The following C12orf50 variants were observed in gnomAD, a reference collection of about 807,000 sequenced individuals.
C12orf50 encodes the protein uncharacterized protein C12orf50.
Under a neutral mutation model 61.6 loss-of-function variants are expected in C12orf50, and 35 were observed. The ratio of observed to expected loss-of-function variants is 0.57; its 90% CI spans 0.43 to 0.75. C12orf50 has a LOEUF of 0.75. Ranked by LOEUF, C12orf50 falls within the 30% of genes least tolerant of loss-of-function variation. C12orf50 has a pLI of 0.00. For missense variants in C12orf50, 475 were observed against 488.5 expected (o/e 0.97, Z 0.26); for synonymous variants, 178 against 161.5 (o/e 1.10, Z -0.77).
At chr12:88,017,078 A>C (rs1346239530) in intron 3 of C12orf50, among the ~76,000 whole-genome samples, 1 of 152,232 alleles carries the variant, frequency 6.6e-6, no homozygotes, top group Non-Finnish European at 1.5e-5. Context: ...AGGAAAAGCA[A>C]GTATACAGTA....
At chr12:88,011,675 T>G (rs747283888) in intron 3 of C12orf50, among the ~76,000 whole-genome samples, 1 of 152,222 alleles carries the variant, frequency 6.6e-6, no homozygotes, top group Non-Finnish European at 1.5e-5. Context: ...CTAGAGCTAC[T>G]ATTCTTAATA....
chr12:87,998,118 T>C lies in C12orf50; in HGVS notation c.206A>G (p.Gln69Arg), dbSNP rs771940939. The change falls in exon 4 of 13, where the codon CAG becomes CGG. Residue 69 changes from glutamine to arginine, a missense_variant. By Grantham distance (43) the Gln-to-Arg change is conservative. Coordinates refer to ENST00000298699, the MANE Select transcript of C12orf50 (RefSeq NM_152589.3). ...QSQSQEPLKPQENISRPIHHP... is the reference protein window; with the variant it reads ...QSQSQEPLKPRENISRPIHHP... ...GTGGATGGGTCGTGATATATTTTCC[T>C]GAGGTTTCAGAGGTTCTTGACTCTG... The C allele has an allele frequency of 4.3e-6, 7 of 1,612,850 alleles. No individual in the cohort carries two copies. In the Admixed American group the frequency reaches 1.0e-4, roughly 23 times the overall value.
rs569946357 is a variant in C12orf50 at position 87,980,173 on chromosome 12, G to C, written c.*158C>G. ...TTTGAAAGAGCACAATGTACTTCCT[G>C]CATCTTATTTTCAGAATTTGCATTT... On this transcript the variant is annotated 3_prime_UTR_variant, in exon 13 of 13. Transcript: ENST00000298699. 1.6e-4 allele frequency: 111 copies of C among 686,344 alleles called. No homozygotes were observed. The highest frequency in any genetic ancestry group is 5.8e-4 in the Middle Eastern group (2 of 3,446). 42.5% of individuals were successfully genotyped at this position (686,344 alleles called of 1,614,324 possible). A position where few individuals can be genotyped will look rare whatever the true frequency, so the allele number is the denominator to read the frequency against.
intron 6 of C12orf50, among the ~76,000 whole-genome samples, chr12:87,996,136 A>G (rs578186128): frequency 2.6e-5 from 4 of 152,332 alleles, no homozygotes; most frequent in South Asian, 2.1e-4. Flanking sequence ...GCATTACCCC[A>G]TGGAGTGTGT....
At position 87,980,309 on chromosome 12, in the gene C12orf50, TTC is replaced by T. The variant is rs753659197; in HGVS notation, c.*20_*21del. ...GATGTCTGGCAATTTTTTCTCATTTTTCTCTCTCTCAACCTCCAGGTTTACTT... is the reference window on the plus strand; with the variant it reads ...GATGTCTGGCAATTTTTTCTCATTTTTCTCTCTCAACCTCCAGGTTTACTT... On this transcript the variant is annotated 3_prime_UTR_variant, in exon 13 of 13. Coordinates refer to ENST00000298699, the MANE Select transcript of C12orf50 (RefSeq NM_152589.3). The T allele has an allele frequency of 1.2e-6, 2 of 1,604,570 alleles. No individual in the cohort carries two copies. Among genetic ancestry groups the T allele is most frequent in the South Asian group, 1.1e-5 (1 of 89,878 alleles).
chr12:88,029,411 CT>C (rs548488268), upstream of C12orf50: 34 of 170,942 alleles, frequency 2.0e-4, no homozygotes, highest in African/African-American at 7.9e-4. Context: ...TAGAATTTTC[CT>C]CATTGTTACC....
intron 3 of C12orf50, among the ~76,000 whole-genome samples, chr12:88,016,954 A>C (rs2032333307): frequency 6.6e-6 from 1 of 152,228 alleles, no homozygotes; most frequent in Non-Finnish European, 1.5e-5. Flanking sequence ...GAATAGTGTT[A>C]TGTAAAACAT....
chr12:87,988,897 A>C (rs2030978778), intron 8 of C12orf50, among the ~76,000 whole-genome samples: 1 of 152,130 alleles, frequency 6.6e-6, no homozygotes, highest in Non-Finnish European at 1.5e-5. Context: ...AACAATTATA[A>C]AATACAAAAG....
intron 11 of C12orf50, chr12:87,985,560 CT>C: frequency 2.6e-6 from 1 of 383,360 alleles, no homozygotes; most frequent in Non-Finnish European, 4.7e-6. Flanking sequence ...AACAGTCCTC[CT>C]GAGTGACATG....
intron 3 of C12orf50, among the ~76,000 whole-genome samples, chr12:88,021,499 A>G (rs2032515576): frequency 1.3e-5 from 2 of 152,006 alleles, no homozygotes; most frequent in South Asian, 4.2e-4. Flanking sequence ...TTAGTCAGGC[A>G]TGGTGGTGCA....
chr12:87,996,587 C>T lies in C12orf50; in HGVS notation c.349G>A (p.Glu117Lys), dbSNP rs757520062. 4 of 1,608,996 alleles carry T rather than the reference C, an allele frequency of 2.5e-6. No individual in the cohort carries two copies. In the Admixed American group the frequency reaches 5.0e-5, roughly 20 times the overall value. ...EEIEEKRAIKEMCYKSGEYYR... is the reference protein window; with the variant it reads ...EEIEEKRAIKKMCYKSGEYYR... ...TTCTTACCAGATTTATAACACATCTCCTTTATTGCTCTTTTTTCTTCAATT... is the reference window on the plus strand; with the variant it reads ...TTCTTACCAGATTTATAACACATCTTCTTTATTGCTCTTTTTTCTTCAATT... The change falls in exon 5 of 13, where the codon GAG (glutamate) becomes AAG (lysine). Residue 117 changes from glutamate to lysine, a missense_variant. Transcript: ENST00000298699.
chr12:87,998,819 A>G (rs2031531558), intron 3 of C12orf50, among the ~76,000 whole-genome samples: 1 of 152,248 alleles, frequency 6.6e-6, no homozygotes, highest in Non-Finnish European at 1.5e-5. Flanking sequence ...ATTTATGCTC[A>G]GCTGATTTTC....
intron 4 of C12orf50, among the ~76,000 whole-genome samples, chr12:87,997,579 C>T (rs556460326): frequency 6.6e-6 from 1 of 152,240 alleles, no homozygotes; most frequent in African/African-American, 2.4e-5. Flanking sequence ...CACCCCACAA[C>T]AGGCCCTAGT....
intron 4 of C12orf50, 37 bp downstream of exon 4, chr12:87,997,998 G>A: frequency 6.5e-7 from 1 of 1,541,328 alleles, no homozygotes; most frequent in Non-Finnish European, 8.9e-7. Flanking sequence ...TGAGGTTTTT[G>A]AATGTGTATT....
chr12:88,026,970 A>C lies in C12orf50; in HGVS notation c.-8T>G. 6.2e-7 allele frequency: 1 copy of C among 1,613,744 alleles called. No homozygotes were observed. Among genetic ancestry groups the C allele is most frequent in the Non-Finnish European group, 8.5e-7 (1 of 1,179,946 alleles). On this transcript the variant is annotated 5_prime_UTR_variant, in exon 2 of 13. In the 5' UTR this introduces an upstream ATG that the reference lacks. Transcript: ENST00000298699. ...TTCTACCTGCATTTCCATGTGTCTAAATCTGCAAAGTGGATCTAAACATTT... is the reference window on the plus strand; with the variant it reads ...TTCTACCTGCATTTCCATGTGTCTACATCTGCAAAGTGGATCTAAACATTT...
At chr12:88,010,000 A>C (rs1272568616) in intron 3 of C12orf50, among the ~76,000 whole-genome samples, 1 of 151,996 alleles carries the variant, frequency 6.6e-6, no homozygotes, top group Admixed American at 6.6e-5. Flanking sequence ...TGTGTGAGAG[A>C]GAAGTCCATT....
At chr12:87,983,283 G>T in intron 11 of C12orf50, 88 bp from the exon 12 acceptor site, 2 of 728,536 alleles carry the variant, frequency 2.7e-6, no homozygotes, top group Non-Finnish European at 2.2e-6. Flanking sequence ...TCTCAGGGGT[G>T]AAGCTATTCT....
In C12orf50 at chr12:87,987,905, A is replaced by G. The variant is rs1314002040; in HGVS notation, c.762T>C (p.His254=). ...SLTTRLVPTT[H]VLNATENISM... ...TGATATTCTCAGTAGCATTTAATAC[A>G]TGCGTTGTAGGTACTAGTCGGGTAG... Residue 254 remains histidine (H), a synonymous_variant, in exon 9 of 13, where the codon CAT becomes CAC. Coordinates refer to ENST00000298699, the MANE Select transcript of C12orf50 (RefSeq NM_152589.3). The G allele has an allele frequency of 1.9e-6, 3 of 1,612,080 alleles. No homozygotes were observed. The highest frequency in any genetic ancestry group is 2.2e-5 in the East Asian group (1 of 44,762).
At chr12:87,980,563 A>G (rs1416922317) in intron 12 of C12orf50, among the ~76,000 whole-genome samples, 1 of 152,152 alleles carries the variant, frequency 6.6e-6, no homozygotes, top group Non-Finnish European at 1.5e-5. Flanking sequence ...GGAGGGGTGG[A>G]AAAGAATGGA....
Sources: gnomAD v4.1 joint callset for allele counts (sites outside exome capture counted in the v4.1 genomes callset) on GRCh38, gnomAD v4.1.1 for gene constraint, MANE v1.5 for transcripts, NCBI Gene and HGNC (gene_info 2026-07-23, HGNC 2026-07-21) for gene names.